Variants in RTTN observed in about 807,000 individuals in gnomAD.
RTTN encodes rotatin.
In RTTN, 182 loss-of-function variants were observed where a neutral mutation model predicts 269.2. The ratio of observed to expected loss-of-function variants is 0.68; its 90% CI spans 0.60 to 0.76. The LOEUF is 0.76. Among genes scored for constraint, RTTN ranks in the 30% least tolerant of loss-of-function variants. The pLI is 0.00. For missense variants in RTTN, 2,545 were observed against 2,608.6 expected (o/e 0.98, Z 0.53); for synonymous variants, 1,006 against 963.5 (o/e 1.04, Z -0.82).
chr18:70,189,446 G>A (rs2061620208), intron 9 of RTTN, among the ~76,000 whole-genome samples: 3 of 152,146 alleles, frequency 2.0e-5, no homozygotes, highest in Admixed American at 2.0e-4. Flanking sequence ...AAAGTAAAAA[G>A]GGCAAAACTT....
At chr18:70,095,495 T>C (rs1325250720) in intron 28 of RTTN, among the ~76,000 whole-genome samples, 2 of 152,222 alleles carry the variant, frequency 1.3e-5, no homozygotes, top group Non-Finnish European at 2.9e-5. Flanking sequence ...GCAGGCCTGG[T>C]GGTGACAAAA....
At chr18:70,145,522 C>T in intron 18 of RTTN, 90 bp downstream of exon 18, 2 of 958,794 alleles carry the variant, frequency 2.1e-6, no homozygotes, top group South Asian at 2.0e-5. Context: ...CTCCCCAGGA[C>T]ATACACAAAC....
chr18:70,057,611 G>A lies in RTTN; in HGVS notation c.5031+131C>T, dbSNP rs540310184. On this transcript the variant is annotated intron_variant, in intron 37 of 48. Transcript: ENST00000640769. Reference sequence around the variant, plus strand: ...ATTAAAATTTCAAGTAACGTATTTCGAATAATCTCATCATACCATGTATAT... The same window carrying A: ...ATTAAAATTTCAAGTAACGTATTTCAAATAATCTCATCATACCATGTATAT... 2.8e-4 allele frequency: 173 copies of A among 628,966 alleles called. 3 individuals are homozygous for A. The South Asian group carries it at 3.4e-3, about 12-fold the overall frequency. The allele number at this position is 628,966 out of a possible 1,614,324, so 39.0% of individuals were successfully genotyped here. A position where few individuals can be genotyped will look rare whatever the true frequency, so the allele number is the denominator to read the frequency against.
chr18:70,082,001 G>T (rs1351527362), intron 32 of RTTN, among the ~76,000 whole-genome samples: 3 of 152,076 alleles, frequency 2.0e-5, no homozygotes, highest in Non-Finnish European at 2.9e-5. Context: ...AATAACATTT[G>T]GGGAATCTGG....
chr18:70,051,659 C>T, intron 38 of RTTN, 111 bp from the exon 39 acceptor site: 1 of 680,820 alleles, frequency 1.5e-6, no homozygotes, highest in South Asian at 2.9e-5. Flanking sequence ...GAGGGGTGTG[C>T]ACTTATCAAA....
In RTTN at chr18:70,199,471, G is replaced by A; in HGVS notation, c.521C>T (p.Thr174Ile). The A allele has an allele frequency of 6.2e-7, 1 of 1,613,032 alleles. No homozygotes were observed. Among genetic ancestry groups the A allele is most frequent in the African/African-American group, 1.3e-5 (1 of 74,998 alleles). Residue 174 changes from threonine (T) to isoleucine (I), a missense_variant, in exon 5 of 49, where the codon ACA becomes ATA. Transcript: ENST00000640769. ...NQTVKCLKFS[T>I]FPWLPLTTTD... ...GGTGGTCAGGGGTAGCCAAGGAAATGTAGAAAACTTCAAGCACTTCACAGT... is the reference window on the plus strand; with the variant it reads ...GGTGGTCAGGGGTAGCCAAGGAAATATAGAAAACTTCAAGCACTTCACAGT...
intron 14 of RTTN, among the ~76,000 whole-genome samples, chr18:70,159,257 T>C (rs1291817542): frequency 6.6e-6 from 1 of 152,074 alleles, no homozygotes; most frequent in Non-Finnish European, 1.5e-5. Context: ...CACAGTGCAA[T>C]AAAAATAGAA....
chr18:70,170,321 G>A (rs1271606360), intron 11 of RTTN, among the ~76,000 whole-genome samples: 1 of 152,206 alleles, frequency 6.6e-6, no homozygotes, highest in East Asian at 1.9e-4. Context: ...ACTGAAGAAA[G>A]TAGAGTGTAA....
chr18:70,195,049 A>G (rs986241196), intron 7 of RTTN, among the ~76,000 whole-genome samples: 3 of 152,218 alleles, frequency 2.0e-5, no homozygotes, highest in Admixed American at 6.5e-5. Context: ...GCTTCTCACT[A>G]CACTTCAAAG....
rs753672168 is a variant in RTTN, at chr18:70,094,234, TTCCAAAACACCAGC to T, written c.3904-1444_3904-1431del. 1.6e-4 allele frequency among the ~76,000 whole-genome samples: 24 copies of T among 152,206 alleles called. 1 individual carries two copies. The highest frequency in any genetic ancestry group is 3.1e-4 in the Non-Finnish European group (21 of 68,042). On this transcript the variant is annotated intron_variant, in intron 28 of 48. Transcript: ENST00000640769. ...GTGGTCTATCTATTTTGTTGATCTTTTCCAAAACACCAGCTCCTGGATTCATTGATTTTTTTTGA... is the reference window on the plus strand; with the variant it reads ...GTGGTCTATCTATTTTGTTGATCTTTTCCTGGATTCATTGATTTTTTTTGA...
chr18:70,030,153 CAAGT>C (rs1449069966), intron 41 of RTTN, 44 bp from the exon 42 acceptor site: 1 of 1,344,780 alleles, frequency 7.4e-7, no homozygotes, highest in Non-Finnish European at 1.1e-6. Context: ...ATTCTATTTC[CAAGT>C]AAGTTATAAC....
intron 35 of RTTN, among the ~76,000 whole-genome samples, chr18:70,063,965 C>CTTTTTTT (rs35413593): frequency 1.5e-5 from 2 of 131,214 alleles, no homozygotes; most frequent in African/African-American, 5.8e-5. Context: ...CTTTTATATG[C>CTTTTTTT]TTTTTTTTTT....
At chr18:70,098,609 C>A (rs965781) in intron 28 of RTTN, among the ~76,000 whole-genome samples, 125,564 of 152,032 alleles carry the variant, frequency 0.83, 55,200 homozygotes, top group East Asian at 1. Context: ...GACAGTTGAA[C>A]CTTTTTTAAT....
chr18:70,142,622 T>C (rs747067608), intron 18 of RTTN, among the ~76,000 whole-genome samples: 1 of 152,218 alleles, frequency 6.6e-6, no homozygotes, highest in Non-Finnish European at 1.5e-5. Flanking sequence ...TACACAGTCA[T>C]CAACAGTGTG....
intron 2 of RTTN, among the ~76,000 whole-genome samples, chr18:70,204,483 C>A (rs545295651): frequency 1.1e-4 from 17 of 152,278 alleles, no homozygotes; most frequent in African/African-American, 4.1e-4. Context: ...GATGAGCCAA[C>A]ACACTGAACG....
intron 28 of RTTN, among the ~76,000 whole-genome samples, chr18:70,102,711 G>A (rs953376653): frequency 4.6e-5 from 7 of 152,132 alleles, no homozygotes; most frequent in Non-Finnish European, 8.8e-5. Context: ...GGCTGGTACC[G>A]CTTGTTCCTT....
At chr18:70,166,834 T>A in intron 13 of RTTN, 85 bp downstream of exon 13, 1 of 823,564 alleles carries the variant, frequency 1.2e-6, no homozygotes, top group Non-Finnish European at 1.9e-6. Flanking sequence ...AGATATACAG[T>A]CAGTTTCACT....
At chr18:70,070,942 T>C (rs1208003663) in intron 34 of RTTN, among the ~76,000 whole-genome samples, 1 of 152,198 alleles carries the variant, frequency 6.6e-6, no homozygotes, top group Non-Finnish European at 1.5e-5. Context: ...GGGGATAATA[T>C]TGTAAAGCCC....
At chr18:70,134,245 C>T (rs1310957308) in intron 23 of RTTN, among the ~76,000 whole-genome samples, 1 of 151,812 alleles carries the variant, frequency 6.6e-6, no homozygotes, top group Non-Finnish European at 1.5e-5. Context: ...AAGTATGCAC[C>T]GTATAGCTTT....
Sources: allele counts gnomAD v4.1 joint callset (sites outside exome capture counted in the v4.1 genomes callset), GRCh38; gene constraint gnomAD v4.1.1; transcripts MANE v1.5; gene names NCBI Gene and HGNC (gene_info 2026-07-23, HGNC 2026-07-21).